PDE8B: variants seen among roughly 807,000 people sequenced by gnomAD.
PDE8B encodes the protein phosphodiesterase 8B, also known as high affinity cAMP-specific and IBMX-insensitive 3',5'-cyclic phosphodiesterase 8B.
PDE8B carries 26 observed loss-of-function variants against 101.3 expected under a neutral mutation model. That is an observed-to-expected ratio of 0.26 (90% CI 0.19 to 0.36). The LOEUF (loss-of-function observed/expected upper bound fraction) is 0.36, where lower values mean the gene tolerates loss of function less well. PDE8B is among the 10% of genes least tolerant of loss of function. PDE8B has a pLI of 1.00. For synonymous variants in PDE8B, 424 were observed against 429.3 expected, an observed-to-expected ratio of 0.99 and a Z score of 0.15; for missense variants, 810 against 1,163.1, an observed-to-expected ratio of 0.70 and a Z score of 4.42.
At chr5:77,104,664 C>A in the PDE8B span, 162 of 152,172 alleles carry the variant, frequency 1.1e-3, 1 homozygote, top group African/African-American at 3.6e-3. Flanking sequence ...AAATAAATTT[C>A]TATTGTTTAT....
intron 10 of PDE8B, among the ~76,000 whole-genome samples, chr5:77,366,132 G>A (rs981579817): frequency 6.6e-6 from 1 of 152,048 alleles, no homozygotes; most frequent in Non-Finnish European, 1.5e-5. Flanking sequence ...TTTGAGATTT[G>A]ATAGGGGAAG....
chr5:77,309,627 T>G (rs1772080957), intron 1 of PDE8B, among the ~76,000 whole-genome samples: 1 of 152,028 alleles, frequency 6.6e-6, no homozygotes, highest in Non-Finnish European at 1.5e-5. Context: ...TAAATTGGTT[T>G]CACTTTTTTT....
chr5:77,104,730 GC>G, the PDE8B span: 1 of 152,218 alleles, frequency 6.6e-6, no homozygotes, highest in Admixed American at 6.5e-5. Context: ...TGAGAGAAAA[GC>G]AGCTAGTTGA....
intron 5 of PDE8B, among the ~76,000 whole-genome samples, chr5:77,336,315 G>T (rs1561544687): frequency 6.6e-6 from 1 of 152,086 alleles, no homozygotes; most frequent in Non-Finnish European, 1.5e-5. Flanking sequence ...GTGAGAACCT[G>T]TTGCAAAACA....
intron 10 of PDE8B, among the ~76,000 whole-genome samples, chr5:77,376,865 ACT>A (rs1046517698): frequency 2.6e-4 from 39 of 151,116 alleles, no homozygotes; most frequent in Non-Finnish European, 4.6e-4. Flanking sequence ...TAGTTTAATG[ACT>A]CTCTGTTGAG....
At chr5:77,346,684 A>G (rs1426841669) in intron 7 of PDE8B, among the ~76,000 whole-genome samples, 1 of 152,180 alleles carries the variant, frequency 6.6e-6, no homozygotes, top group Non-Finnish European at 1.5e-5. Context: ...GTGGAAGGAG[A>G]GTCACTGCCT....
In PDE8B at chr5:77,331,474, T is replaced by C. The variant is rs1277082069; in HGVS notation, c.708+15T>C. ...GCTTCAACAGGGTATGTACAAGATA[T>C]CCAGCATCTCTCTCAGTTGCAGGCA... On this transcript the variant is annotated intron_variant, in intron 5 of 21. Coordinates refer to ENST00000264917, the MANE Select transcript of PDE8B (RefSeq NM_003719.5). The C allele has an allele frequency of 1.2e-6, 2 of 1,602,028 alleles. No homozygotes were observed. Among genetic ancestry groups the C allele is most frequent in the Non-Finnish European group, 1.7e-6 (2 of 1,169,342 alleles).
chr5:77,426,123 G>GTC (rs1383691123), intron 21 of PDE8B: 14 of 607,782 alleles, frequency 2.3e-5, no homozygotes, highest in Non-Finnish European at 3.8e-5. Context: ...GGATAAACGA[G>GTC]TCTCTGCCTC....
In PDE8B at chr5:77,361,627, G is replaced by A. The variant is rs543869488; in HGVS notation, c.1167+8221G>A. Among the ~76,000 whole-genome samples, 28 of 151,146 alleles carry A rather than the reference G, an allele frequency of 1.9e-4. No homozygotes were observed. The South Asian group carries it at 3.8e-3, about 20-fold the overall frequency. ...CCTCCCAGGTTCACGCCATTCTCCC[G>A]CCTCAGCCTCCCAAGTAGCTGGGAC... On this transcript the variant is annotated intron_variant, in intron 10 of 21. Coordinates refer to ENST00000264917, the MANE Select transcript of PDE8B (RefSeq NM_003719.5).
At chr5:77,239,734 C>G (rs1055922454) in intron 1 of PDE8B, among the ~76,000 whole-genome samples, 1 of 152,140 alleles carries the variant, frequency 6.6e-6, no homozygotes, top group Non-Finnish European at 1.5e-5. Context: ...AACATGGGCT[C>G]CTCTAGCTTT....
At chr5:77,141,130 A>G in the PDE8B span, 1 of 152,212 alleles carries the variant, frequency 6.6e-6, no homozygotes, top group Non-Finnish European at 1.5e-5. Flanking sequence ...AAATTATAAC[A>G]AAGCTATAAA....
chr5:77,427,516 T>G lies in PDE8B; in HGVS notation c.*962T>G, dbSNP rs1014351355. 4 of 152,222 alleles carry G rather than the reference T, an allele frequency of 2.6e-5. No individual in the cohort carries two copies. Among genetic ancestry groups the G allele is most frequent in the Admixed American group, 1.3e-4 (2 of 15,278 alleles). 9.4% of individuals were successfully genotyped at this position (152,222 alleles called of 1,614,324 possible). ...CATGCACCATCTATACGTAATATTT[T>G]GGGAGGGGATAGGGGAAGTTTCAAG... On this transcript the variant is annotated 3_prime_UTR_variant, in exon 22 of 22. Transcript: ENST00000264917.
At chr5:77,201,645 A>C in the PDE8B span, among the ~76,000 whole-genome samples, 1 of 152,244 alleles carries the variant, frequency 6.6e-6, no homozygotes, top group East Asian at 1.9e-4. Flanking sequence ...CTAACCTGGA[A>C]ATTTTGCCAT....
chr5:77,102,540 T>C, the PDE8B span, among the ~76,000 whole-genome samples: 1,345 of 152,312 alleles, frequency 8.8e-3, 11 homozygotes, highest in Non-Finnish European at 0.012. Context: ...GGGCAGGAGC[T>C]AGGAAGCGTT....
At chr5:77,121,297 G>GC in the PDE8B span, among the ~76,000 whole-genome samples, 24 of 152,190 alleles carry the variant, frequency 1.6e-4, no homozygotes, top group African/African-American at 5.5e-4. Flanking sequence ...CAGTGTCCCT[G>GC]CCACATGGGC....
At chr5:77,254,717 G>A (rs1758757710) in intron 1 of PDE8B, among the ~76,000 whole-genome samples, 1 of 152,074 alleles carries the variant, frequency 6.6e-6, no homozygotes, top group African/African-American at 2.4e-5. Flanking sequence ...CAGTTTATCA[G>A]TTCTCCAACA....
At chr5:77,202,522 C>T in the PDE8B span, among the ~76,000 whole-genome samples, 255 of 152,206 alleles carry the variant, frequency 1.7e-3, 6 homozygotes, top group South Asian at 0.045. Context: ...TTTCTTTTCT[C>T]TAGCTTACTT....
intron 1 of PDE8B, among the ~76,000 whole-genome samples, chr5:77,266,797 C>T (rs1169074918): frequency 1.3e-5 from 2 of 151,698 alleles, no homozygotes; most frequent in African/African-American, 2.4e-5. Context: ...TCTTATAATT[C>T]TTCATGTTGG....
At chr5:77,226,637 A>G (rs1047710769) in intron 1 of PDE8B, among the ~76,000 whole-genome samples, 1 of 152,232 alleles carries the variant, frequency 6.6e-6, no homozygotes, top group African/African-American at 2.4e-5. Context: ...ATATTTATCT[A>G]TCCAGAGCAT....
Sources: gnomAD v4.1 joint callset for allele counts (sites outside exome capture counted in the v4.1 genomes callset) on GRCh38, gnomAD v4.1.1 for gene constraint, MANE v1.5 for transcripts, NCBI Gene and HGNC (gene_info 2026-07-23, HGNC 2026-07-21) for gene names.